Variants in SUCO observed in about 807,000 individuals in gnomAD.
The protein encoded by SUCO is SUN domain containing ossification factor.
A neutral mutation model predicts 148.1 loss-of-function variants in SUCO; 57 were observed. The ratio of observed to expected loss-of-function variants is 0.38; its 90% CI spans 0.31 to 0.48. The LOEUF (loss-of-function observed/expected upper bound fraction) is 0.48. Among genes scored for constraint, SUCO ranks in the 20% least tolerant of loss-of-function variants. The pLI is 0.96. For missense variants in SUCO, 1,331 were observed against 1,468.2 expected (o/e 0.91, Z 1.53); for synonymous variants, 470 against 502.7 (o/e 0.93, Z 0.87).
intron 19 of SUCO, among the ~76,000 whole-genome samples, chr1:172,597,644 C>G (rs932128663): frequency 6.6e-6 from 1 of 151,918 alleles, no homozygotes; most frequent in Non-Finnish European, 1.5e-5. Context: ...TATAGTGATA[C>G]AATAGGACTG....
At position 172,569,118 on chromosome 1, in the gene SUCO, G is replaced by A. The variant is rs370898344; in HGVS notation, c.832G>A (p.Val278Ile). ...AACATTTGATGAATGGAAGAAGAAA[G>A]TTATGGAAGTAGAAAAAGAAAAAAG... ...IPTFDEWKKKVMEVEKEKSQS... is the reference protein window; with the variant it reads ...IPTFDEWKKKIMEVEKEKSQS... Residue 278 changes from valine to isoleucine, a missense_variant, in exon 7 of 24, where the codon GTT becomes ATT. This residue lies in a region of SUCO where 992 missense variants were observed against 1,093.5 expected (regional missense o/e 0.91). Transcript: ENST00000263688. The A allele has an allele frequency of 4.5e-6, 7 of 1,565,950 alleles. No individual in the cohort carries two copies. The highest frequency in any genetic ancestry group is 5.2e-6 in the Non-Finnish European group (6 of 1,159,782).
intron 6 of SUCO, among the ~76,000 whole-genome samples, chr1:172,566,541 C>T (rs1185985191): frequency 6.6e-6 from 1 of 152,222 alleles, no homozygotes; most frequent in African/African-American, 2.4e-5. Context: ...TAAACAGCAA[C>T]TTTTATTGAA....
rs753002382 is a variant in SUCO at position 172,589,035 on chromosome 1, G to A, written c.1934G>A (p.Arg645Gln). Residue 645 changes from arginine to glutamine, a missense_variant, in exon 18 of 24, where the codon CGG becomes CAG. Physicochemically the swap from Arg to Gln is conservative, Grantham distance 43 (BLOSUM62 1). This residue lies in a region of SUCO where 992 missense variants were observed against 1,093.5 expected (regional missense o/e 0.91). Coordinates refer to ENST00000263688, the MANE Select transcript of SUCO (RefSeq NM_014283.5). ...KWCSVRVALY[R>Q]QRSRTALSKG... ...TGTTCAGTTAGAGTTGCTCTTTATC[G>A]GCAGCGCAGCCGAACTGCTTTGAGT... 1.4e-5 allele frequency: 23 copies of A among 1,613,274 alleles called. No individual in the cohort carries two copies. The highest frequency in any genetic ancestry group is 8.8e-5 in the South Asian group (8 of 90,998).
At position 172,591,080 on chromosome 1, in the gene SUCO, C is replaced by G; in HGVS notation, c.2913+9C>G. 1 of 1,595,010 alleles carries G rather than the reference C, an allele frequency of 6.3e-7. No homozygotes were observed. Among genetic ancestry groups the G allele is most frequent in the South Asian group, 1.1e-5 (1 of 88,982 alleles). ...GAATAGCAGAGGAGCAGGTTGGTTTCTACATCCCTTATTTACTTTTTATAT... is the reference window on the plus strand; with the variant it reads ...GAATAGCAGAGGAGCAGGTTGGTTTGTACATCCCTTATTTACTTTTTATAT... On this transcript the variant is annotated intron_variant, in intron 19 of 23. Transcript: ENST00000263688.
chr1:172,608,485 C>A (rs1342863872), intron 22 of SUCO: 2 of 452,206 alleles, frequency 4.4e-6, no homozygotes, highest in East Asian at 4.4e-5. Flanking sequence ...TGATAACCAG[C>A]TACTAGTTAA....
chr1:172,554,527 A>G (rs867134233), intron 3 of SUCO, among the ~76,000 whole-genome samples: 11 of 152,336 alleles, frequency 7.2e-5, no homozygotes, highest in African/African-American at 2.2e-4. Context: ...ACCTGAGGTC[A>G]GGAGTTCGAG....
At chr1:172,594,808 C>T (rs1656964587) in intron 19 of SUCO, among the ~76,000 whole-genome samples, 1 of 152,182 alleles carries the variant, frequency 6.6e-6, no homozygotes, top group Non-Finnish European at 1.5e-5. Flanking sequence ...CAGTGCAGAG[C>T]TGAGTTCAAG....
At position 172,578,388 on chromosome 1, in the gene SUCO, T is replaced by C. The variant is rs2149252431; in HGVS notation, c.1431T>C (p.Tyr477=). The change falls in exon 14 of 24, where the codon TAT becomes TAC. Residue 477 remains tyrosine, a splice_region_variant and synonymous_variant. Transcript: ENST00000263688. ...SERQELFDED[Y]DYPLDYNTGE... ...GCCAGGAACTATTTGATGAGGACTA[T>C]GGTAAGTGACATCAAACAGATGACT... 5.0e-6 allele frequency: 8 copies of C among 1,609,268 alleles called. No homozygotes were observed. The highest frequency in any genetic ancestry group is 6.8e-6 in the Non-Finnish European group (8 of 1,175,940).
At chr1:172,552,853 A>C (rs16844704) in intron 2 of SUCO, among the ~76,000 whole-genome samples, 2,589 of 152,130 alleles carry the variant, frequency 0.017, 181 homozygotes, top group Admixed American at 0.12. Flanking sequence ...ATTGAATATG[A>C]ACTTTTATGA....
Position 172,570,060 on chromosome 1 carries a change from T to C in SUCO, c.870T>C (p.His290=). Residue 290 remains histidine, a synonymous_variant, in exon 8 of 24, where the codon CAT becomes CAC. Transcript: ENST00000263688. ...EVEKEKSQSM[H]ASSNGGSHAT... is the part of the protein sequence containing the mutation. ...GTTTGTCTGCAGGTCAGTCGATGCATGCATCTTCTAATGGAGGTTCACATG... is the reference window on the plus strand; with the variant it reads ...GTTTGTCTGCAGGTCAGTCGATGCACGCATCTTCTAATGGAGGTTCACATG... 1 of 1,563,572 alleles carries C rather than the reference T, an allele frequency of 6.4e-7. No homozygotes were observed. The highest frequency in any genetic ancestry group is 8.7e-7 in the Non-Finnish European group (1 of 1,150,608).
intron 11 of SUCO, among the ~76,000 whole-genome samples, chr1:172,576,521 CA>C (rs1394403821): frequency 2.7e-5 from 4 of 149,348 alleles, no homozygotes; most frequent in East Asian, 1.9e-4. Context: ...ATTATTAGTT[CA>C]AAAAAATTAA....
Position 172,539,135 on chromosome 1 carries a change from T to C in SUCO, c.62+5638T>C, listed in dbSNP as rs990877550. ...CTTTCACTTTTCTCAACAGTCTGAA[T>C]GGAGAAAAGAATCAATATGTATAAT... On this transcript the variant is annotated intron_variant, in intron 1 of 23. Coordinates refer to ENST00000263688, the MANE Select transcript of SUCO (RefSeq NM_014283.5). Among the ~76,000 whole-genome samples, 9 of 150,870 alleles carry C rather than the reference T, an allele frequency of 6.0e-5. 1 individual carries two copies. The highest frequency in any genetic ancestry group is 5.2e-4 in the Admixed American group (8 of 15,250).
intron 2 of SUCO, 23 bp downstream of exon 2, chr1:172,551,649 T>C (rs770927729): frequency 1.4e-6 from 2 of 1,452,056 alleles, no homozygotes; most frequent in Non-Finnish European, 1.9e-6. Flanking sequence ...AAGTTAACAT[T>C]ATAATTTGTG....
intron 3 of SUCO, 92 bp downstream of exon 3, chr1:172,553,462 G>A (rs1159378): frequency 0.23 from 198,669 of 847,088 alleles, 25,467 homozygotes; most frequent in South Asian, 0.36. Context: ...TGTGTGTATT[G>A]TTAGTTTTTT....
chr1:172,545,974 C>T (rs1024293598), intron 1 of SUCO, among the ~76,000 whole-genome samples: 1 of 151,982 alleles, frequency 6.6e-6, no homozygotes, highest in Admixed American at 6.6e-5. Context: ...CTCTGTCCCC[C>T]AGTCTGGAGT....
At chr1:172,592,268 C>T (rs1656729948) in intron 19 of SUCO, among the ~76,000 whole-genome samples, 1 of 152,200 alleles carries the variant, frequency 6.6e-6, no homozygotes, top group Admixed American at 6.5e-5. Flanking sequence ...TGTGCAGAAG[C>T]TCTTTAGTTT....
intron 4 of SUCO, chr1:172,556,819 C>T (rs2472550): frequency 0.56 from 468,276 of 829,326 alleles, 133,175 homozygotes; most frequent in South Asian, 0.67. Flanking sequence ...AGAGTGAATG[C>T]TATACTCCCA....
chr1:172,577,916 G>A lies in SUCO; in HGVS notation c.1340+97G>A, dbSNP rs915448662. ...GTGAAGAAATAATTTTCTCTTACGT[G>A]AGTTAATACCATAGAAATAAAAACT... On this transcript the variant is annotated intron_variant, in intron 13 of 23. Transcript: ENST00000263688. 37 of 846,024 alleles carry A rather than the reference G, an allele frequency of 4.4e-5. 1 individual carries two copies. Among genetic ancestry groups the A allele is most frequent in the Non-Finnish European group, 6.3e-5 (35 of 558,064 alleles). 52.4% of individuals were successfully genotyped at this position (846,024 alleles called of 1,614,324 possible).
intron 17 of SUCO, among the ~76,000 whole-genome samples, chr1:172,587,338 T>C (rs1017927292): frequency 6.6e-6 from 1 of 152,072 alleles, no homozygotes; most frequent in African/African-American, 2.4e-5. Flanking sequence ...AGCCAACTTA[T>C]TTTCTTTTCC....
Sources: allele counts gnomAD v4.1 joint callset (sites outside exome capture counted in the v4.1 genomes callset), GRCh38; gene constraint gnomAD v4.1.1; regional missense constraint gnomAD v4.1.1; transcripts MANE v1.5; gene names NCBI Gene and HGNC (gene_info 2026-07-23, HGNC 2026-07-21).